The following PDE1C variants were observed in gnomAD, a reference collection of about 807,000 sequenced individuals.
PDE1C encodes the protein phosphodiesterase 1C.
PDE1C carries 62 observed loss-of-function variants against 93.1 expected under a neutral mutation model. That is an observed-to-expected ratio of 0.67 (90% CI 0.54 to 0.82). PDE1C has a LOEUF of 0.82. PDE1C is among the 40% of genes least tolerant of loss of function. The probability of loss-of-function intolerance (pLI) is 0.00; values close to 1 mark genes in which losing one functional copy is unlikely to be tolerated. For synonymous variants in PDE1C, 325 were observed against 310.1 expected (o/e 1.05, Z -0.50); for missense variants, 742 against 884.6 (o/e 0.84, Z 2.04).
intron 3 of PDE1C, among the ~76,000 whole-genome samples, chr7:32,127,458 C>A (rs1186367103): frequency 2.0e-5 from 3 of 151,678 alleles, no homozygotes; most frequent in Admixed American, 6.6e-5. Flanking sequence ...AAGACAGAAC[C>A]AATGAAACAA....
chr7:32,268,367 A>C (rs996510752), intron 1 of PDE1C, among the ~76,000 whole-genome samples: 1 of 152,154 alleles, frequency 6.6e-6, no homozygotes, highest in Non-Finnish European at 1.5e-5. Flanking sequence ...CTCCCGCCTC[A>C]GTTTCTCTAC....
In PDE1C at chr7:32,113,976, G is replaced by C. The variant is rs369164514; in HGVS notation, c.308+55809C>G. ...CTGCAAACCACTGCTCAACAAATAA[G>C]AGAGGACACGAACACATGGAAAAAC... On this transcript the variant is annotated intron_variant, in intron 3 of 18. Coordinates refer to the PDE1C transcript ENST00000396193. Among the ~76,000 whole-genome samples, 8 of 152,058 alleles carry C rather than the reference G, an allele frequency of 5.3e-5. No individual in the cohort carries two copies. In the East Asian group the frequency reaches 1.5e-3, roughly 29 times the overall value.
the PDE1C span, among the ~76,000 whole-genome samples, chr7:31,726,536 A>G: frequency 1.1e-4 from 17 of 152,200 alleles, 1 homozygote; most frequent in South Asian, 6.2e-4. Context: ...ACCGTCAGAC[A>G]AGGCCACTCT....
At chr7:31,946,500 T>C (rs974561396) in intron 2 of PDE1C, among the ~76,000 whole-genome samples, 3 of 152,206 alleles carry the variant, frequency 2.0e-5, no homozygotes, top group African/African-American at 7.2e-5. Context: ...GCTTATAAAA[T>C]GATTGTATCT....
chr7:32,246,065 C>T (rs1459001644), intron 1 of PDE1C, among the ~76,000 whole-genome samples: 2 of 148,014 alleles, frequency 1.4e-5, no homozygotes, highest in East Asian at 4.0e-4. Context: ...AACTCCTGGA[C>T]TCAAGCAGTC....
At chr7:32,150,406 A>T (rs558043398) in intron 3 of PDE1C, among the ~76,000 whole-genome samples, 1 of 152,294 alleles carries the variant, frequency 6.6e-6, no homozygotes, top group African/African-American at 2.4e-5. Context: ...CCTCTGGCCT[A>T]TGAAGGAGCA....
At chr7:31,887,742 C>T (rs1006545993) in intron 2 of PDE1C, among the ~76,000 whole-genome samples, 6 of 152,116 alleles carry the variant, frequency 3.9e-5, no homozygotes, top group South Asian at 2.1e-4. Flanking sequence ...TGAACTCAGA[C>T]AGATAATGTT....
At chr7:32,120,720 G>T (rs11982321) in intron 3 of PDE1C, among the ~76,000 whole-genome samples, 18,987 of 152,058 alleles carry the variant, frequency 0.12, 2,097 homozygotes, top group African/African-American at 0.3. Flanking sequence ...CCCCATCCAA[G>T]GTTCAGCAGC....
chr7:32,341,276 C>G (rs943135367), intron 1 of PDE1C, among the ~76,000 whole-genome samples: 3 of 134,596 alleles, frequency 2.2e-5, no homozygotes, highest in African/African-American at 5.3e-5. Context: ...CCCGGGTTCA[C>G]GCCATTCTCC....
intron 1 of PDE1C, among the ~76,000 whole-genome samples, chr7:32,398,183 T>C (rs1368121038): frequency 6.9e-6 from 1 of 145,448 alleles, no homozygotes; most frequent in African/African-American, 2.6e-5. Flanking sequence ...CATGATGGCA[T>C]GCACCTGTAA....
chr7:31,871,096 AT>A (rs965307777), intron 6 of PDE1C, among the ~76,000 whole-genome samples: 2 of 152,004 alleles, frequency 1.3e-5, no homozygotes, highest in African/African-American at 4.8e-5. Flanking sequence ...CAGCTAACTG[AT>A]TTTTGACAAA....
intron 7 of PDE1C, among the ~76,000 whole-genome samples, chr7:31,853,501 C>T (rs773524455): frequency 2.0e-5 from 3 of 152,082 alleles, no homozygotes; most frequent in East Asian, 3.9e-4. Flanking sequence ...AAATGATGCC[C>T]TTGACTGGAG....
chr7:32,370,645 G>A (rs1784313703), intron 1 of PDE1C, among the ~76,000 whole-genome samples: 1 of 151,924 alleles, frequency 6.6e-6, no homozygotes, highest in African/African-American at 2.4e-5. Flanking sequence ...CATGGGGTGG[G>A]GGGAAGGGGG....
At chr7:32,121,443 T>C (rs1799295084) in intron 3 of PDE1C, among the ~76,000 whole-genome samples, 1 of 146,552 alleles carries the variant, frequency 6.8e-6, no homozygotes, top group Non-Finnish European at 1.5e-5. Context: ...TTCTCCAAGG[T>C]TGAAATGAAG....
At chr7:32,196,369 T>C (rs1482531579) in intron 2 of PDE1C, among the ~76,000 whole-genome samples, 1 of 152,100 alleles carries the variant, frequency 6.6e-6, no homozygotes, top group African/African-American at 2.4e-5. Flanking sequence ...GAGAGTAGAG[T>C]TATGTTAGGG....
At chr7:31,866,569 A>G (rs893828633) in intron 6 of PDE1C, among the ~76,000 whole-genome samples, 1 of 152,204 alleles carries the variant, frequency 6.6e-6, no homozygotes, top group African/African-American at 2.4e-5. Context: ...GTGGTCATGT[A>G]AAGACATATT....
At chr7:31,957,826 T>C (rs1160038144) in intron 2 of PDE1C, among the ~76,000 whole-genome samples, 1 of 152,150 alleles carries the variant, frequency 6.6e-6, no homozygotes. Context: ...TCATCTGTTG[T>C]GAAGCCACTA....
chr7:32,376,821 G>T (rs1784440461), intron 1 of PDE1C, among the ~76,000 whole-genome samples: 1 of 152,126 alleles, frequency 6.6e-6, no homozygotes, highest in African/African-American at 2.4e-5. Flanking sequence ...CCGAGTAGCT[G>T]GGACTACGGG....
chr7:32,405,944 C>A (rs182497), intron 1 of PDE1C, among the ~76,000 whole-genome samples: 129,483 of 152,158 alleles, frequency 0.85, 57,382 homozygotes, highest in East Asian at 0.99. Context: ...CCATCCCTCA[C>A]GCATTAGAGC....
Sources: gnomAD v4.1 joint callset for allele counts (sites outside exome capture counted in the v4.1 genomes callset) on GRCh38, gnomAD v4.1.1 for gene constraint, MANE v1.5 for transcripts, NCBI Gene and HGNC (gene_info 2026-07-23, HGNC 2026-07-21) for gene names.